The following CADPS2 variants were observed in gnomAD, a reference collection of about 807,000 sequenced individuals.
The protein encoded by CADPS2 is calcium-dependent secretion activator 2.
In CADPS2, 93 loss-of-function variants were observed where a neutral mutation model predicts 172.5. That is an observed-to-expected ratio of 0.54 (90% CI 0.46 to 0.64). The LOEUF is 0.64. Ranked by LOEUF, CADPS2 falls within the 30% of genes least tolerant of loss-of-function variation. The pLI is 0.00. For missense variants in CADPS2, 1,420 were observed against 1,565.9 expected (o/e 0.91, Z 1.57); for synonymous variants, 546 against 555.2 (o/e 0.98, Z 0.23).
At chr7:122,351,092 G>A (rs1280264630) in intron 27 of CADPS2, among the ~76,000 whole-genome samples, 1 of 151,752 alleles carries the variant, frequency 6.6e-6, no homozygotes, top group Non-Finnish European at 1.5e-5. Context: ...CAGACTGGGC[G>A]TGGTGATTCA....
At chr7:122,737,147 G>A in intron 1 of CADPS2, 79 bp from the exon 2 acceptor site, 1 of 726,970 alleles carries the variant, frequency 1.4e-6, no homozygotes, top group Non-Finnish European at 2.4e-6. Flanking sequence ...CATATTTGCT[G>A]TATATTAGAT....
At chr7:122,834,236 C>G (rs1807526055) in intron 1 of CADPS2, among the ~76,000 whole-genome samples, 1 of 152,120 alleles carries the variant, frequency 6.6e-6, no homozygotes, top group African/African-American at 2.4e-5. Flanking sequence ...AAATTCAAAG[C>G]CTAACCTTTG....
At chr7:122,802,937 TACA>T (rs1316751708) in intron 1 of CADPS2, among the ~76,000 whole-genome samples, 5 of 152,220 alleles carry the variant, frequency 3.3e-5, no homozygotes, top group African/African-American at 4.8e-5. Context: ...ATGCACATAA[TACA>T]ACAATTACCT....
intron 6 of CADPS2, among the ~76,000 whole-genome samples, chr7:122,606,718 G>C (rs1458659617): frequency 6.6e-6 from 1 of 152,024 alleles, no homozygotes; most frequent in Non-Finnish European, 1.5e-5. Flanking sequence ...TGCCTACTGA[G>C]CCATACTATT....
chr7:122,356,976 C>T (rs2039490463), intron 27 of CADPS2, among the ~76,000 whole-genome samples: 1 of 152,170 alleles, frequency 6.6e-6, no homozygotes, highest in Non-Finnish European at 1.5e-5. Context: ...CTTGTTGCTA[C>T]TGGGGCATCA....
intron 8 of CADPS2, among the ~76,000 whole-genome samples, chr7:122,538,944 A>G (rs1423696549): frequency 6.6e-6 from 1 of 152,112 alleles, no homozygotes; most frequent in East Asian, 1.9e-4. Flanking sequence ...GCAGTGACCT[A>G]AAAGAATATA....
At chr7:122,762,263 G>C (rs567263672) in intron 1 of CADPS2, among the ~76,000 whole-genome samples, 2 of 152,024 alleles carry the variant, frequency 1.3e-5, no homozygotes, top group Admixed American at 6.6e-5. Flanking sequence ...AACAAGCTGG[G>C]CGGCAGTCCA....
chr7:122,686,614 T>C (rs1362823807), intron 2 of CADPS2, among the ~76,000 whole-genome samples: 5 of 152,190 alleles, frequency 3.3e-5, no homozygotes, highest in Non-Finnish European at 2.9e-5. Flanking sequence ...CGAAGATGCT[T>C]TTCCCTGGGG....
At chr7:122,592,015 C>T (rs2070889079) in intron 6 of CADPS2, among the ~76,000 whole-genome samples, 1 of 152,042 alleles carries the variant, frequency 6.6e-6, no homozygotes, top group South Asian at 2.1e-4. Context: ...AGAGCTTCTG[C>T]ACAGCAAAAG....
intron 12 of CADPS2, among the ~76,000 whole-genome samples, chr7:122,477,025 GAGGA>G (rs2056721970): frequency 1.8e-5 from 2 of 110,368 alleles, no homozygotes; most frequent in African/African-American, 4.2e-5. Context: ...GAGGAGAGGA[GAGGA>G]GAGGAGAGGA....
intron 8 of CADPS2, among the ~76,000 whole-genome samples, chr7:122,548,625 T>C (rs1395753364): frequency 3.3e-5 from 5 of 152,158 alleles, no homozygotes; most frequent in African/African-American, 1.2e-4. Context: ...AACTAGCAAA[T>C]TGTAGTAAAA....
chr7:122,615,400 G>GA (rs1214975961), intron 5 of CADPS2, 101 bp from the exon 6 acceptor site: 30 of 721,740 alleles, frequency 4.2e-5, no homozygotes, highest in Non-Finnish European at 5.1e-5. Flanking sequence ...TGACAAAACT[G>GA]AAAAAAAATT....
chr7:122,817,400 T>G (rs574121828), intron 1 of CADPS2, among the ~76,000 whole-genome samples: 21 of 152,240 alleles, frequency 1.4e-4, no homozygotes, highest in African/African-American at 5.1e-4. Flanking sequence ...TTTCCACTCT[T>G]CAATCTCTCC....
chr7:122,738,937 T>A (rs1043456658), intron 1 of CADPS2, among the ~76,000 whole-genome samples: 3 of 152,030 alleles, frequency 2.0e-5, no homozygotes, highest in African/African-American at 7.2e-5. Context: ...CTCCTTCATT[T>A]TAGAGGAAGC....
intron 6 of CADPS2, among the ~76,000 whole-genome samples, chr7:122,612,151 C>T (rs1420946229): frequency 6.6e-6 from 1 of 151,942 alleles, no homozygotes; most frequent in Non-Finnish European, 1.5e-5. Flanking sequence ...TCAGGAACAA[C>T]ACCAACATGC....
At chr7:122,492,920 T>C (rs1300184478) in intron 9 of CADPS2, among the ~76,000 whole-genome samples, 1 of 152,152 alleles carries the variant, frequency 6.6e-6, no homozygotes, top group Non-Finnish European at 1.5e-5. Flanking sequence ...GCTTGGTTAA[T>C]GTTAATTATT....
At chr7:122,556,189 T>G (rs6947978) in intron 7 of CADPS2, among the ~76,000 whole-genome samples, 1,782 of 152,204 alleles carry the variant, frequency 0.012, 36 homozygotes, top group African/African-American at 0.041. Context: ...AGTGTAATAT[T>G]TTACAGATTC....
Position 122,719,816 on chromosome 7 carries a change from A to T in CADPS2, c.453+17139T>A, listed in dbSNP as rs184041960. Among the ~76,000 whole-genome samples the T allele has an allele frequency of 1.1e-3, 169 of 152,248 alleles. 4 individuals are homozygous for T. Among genetic ancestry groups the T allele is most frequent in the African/African-American group, 4.0e-3 (168 of 41,578 alleles). On this transcript the variant is annotated intron_variant, in intron 2 of 29. Coordinates refer to ENST00000449022, the MANE Select transcript of CADPS2 (RefSeq NM_017954.11). ...GATTGAAAAAAATCATGACTGAAAA[A>T]AAGGAAAAAATATCATCATTTATGG...
chr7:122,556,706 GA>G (rs2065072067), intron 7 of CADPS2, among the ~76,000 whole-genome samples: 1 of 152,096 alleles, frequency 6.6e-6, no homozygotes, highest in African/African-American at 2.4e-5. Context: ...GAAGTCAGTG[GA>G]AGGATTTATT....
Sources: gnomAD v4.1 joint callset for allele counts (sites outside exome capture counted in the v4.1 genomes callset) on GRCh38, gnomAD v4.1.1 for gene constraint, MANE v1.5 for transcripts, NCBI Gene and HGNC (gene_info 2026-07-23, HGNC 2026-07-21) for gene names.